LIMS1: variants seen among roughly 807,000 people sequenced by gnomAD.
LIMS1 encodes the protein LIM zinc finger domain containing 1, also known as LIM and senescent cell antigen-like-containing domain protein 1.
LIMS1 carries 18 observed loss-of-function variants against 44.1 expected under a neutral mutation model. The observed-to-expected ratio is 0.41, with a 90% confidence interval of 0.28 to 0.61. The LOEUF (loss-of-function observed/expected upper bound fraction) is 0.61. LIMS1 is among the 20% of genes least tolerant of loss of function. The probability of loss-of-function intolerance (pLI) is 0.32; values close to 1 mark genes in which losing one functional copy is unlikely to be tolerated. For synonymous variants in LIMS1, 93 were observed against 149.1 expected (o/e 0.62, Z 2.74); for missense variants, 201 against 422.0 (o/e 0.48, Z 4.59).
At chr2:108,601,339 G>C (rs1687004344) in intron 1 of LIMS1, among the ~76,000 whole-genome samples, 1 of 152,134 alleles carries the variant, frequency 6.6e-6, no homozygotes, top group Non-Finnish European at 1.5e-5. Context: ...TCAGACACTT[G>C]TCCGTGCACA....
chr2:108,639,706 C>G (rs1023241960), intron 1 of LIMS1, among the ~76,000 whole-genome samples: 2 of 152,176 alleles, frequency 1.3e-5, no homozygotes, highest in African/African-American at 4.8e-5. Context: ...CCACTTTGGC[C>G]TCCCAAAGTG....
At chr2:108,675,333 G>A (rs964807405) in intron 5 of LIMS1, among the ~76,000 whole-genome samples, 2 of 151,602 alleles carry the variant, frequency 1.3e-5, no homozygotes, top group African/African-American at 4.9e-5. Flanking sequence ...AGAGGAGGGG[G>A]GAAGGAAGAG....
exon 4 of LIMS1, chr2:108,672,434 G>C: frequency 2.2e-6 from 2 of 890,902 alleles, no homozygotes; most frequent in Non-Finnish European, 1.6e-6. Context: ...GGTTTGTCAA[G>C]AATGCTGGGA....
intron 5 of LIMS1, 48 bp from the exon 6 acceptor site, chr2:108,675,830 G>A (rs370028764): frequency 1.9e-6 from 3 of 1,611,638 alleles, no homozygotes; most frequent in East Asian, 2.2e-5. Context: ...CCATTGGTTG[G>A]CCACTTTTCT....
Position 108,680,852 on chromosome 2 carries a change from A to G in LIMS1, c.899+82A>G, listed in dbSNP as rs527354576. 2.2e-4 allele frequency: 351 copies of G among 1,568,038 alleles called. 1 individual carries two copies. Among genetic ancestry groups the G allele is most frequent in the Admixed American group, 3.4e-4 (17 of 49,392 alleles). On this transcript the variant is annotated intron_variant, in intron 9 of 9. Coordinates refer to ENST00000544547, the Ensembl canonical transcript of LIMS1. The stretch of plus-strand genomic sequence containing the variant: ...CTTAAAAAAAATCCTAGAATTTAGA[A>G]AAAGAGAATTATTTGATTTCTTATT...
Position 108,661,238 on chromosome 2 carries a change from AT to A in LIMS1, c.192+1481del, listed in dbSNP as rs1691345120. ...AATGCTATTTTATTCACTAGCACAC[AT>A]TTTTTTAAGCTCCTATTGTGTCCCC... On this transcript the variant is annotated intron_variant, in intron 2 of 9. Transcript: ENST00000544547. Among the ~76,000 whole-genome samples, 5 of 148,882 alleles carry A rather than the reference AT, an allele frequency of 3.4e-5. No homozygotes were observed. The South Asian group carries it at 1.1e-3, about 32-fold the overall frequency.
intron 1 of LIMS1, among the ~76,000 whole-genome samples, chr2:108,563,206 G>A (rs1022833265): frequency 1.3e-5 from 2 of 152,218 alleles, no homozygotes; most frequent in Non-Finnish European, 2.9e-5. Context: ...TTATTTCCAT[G>A]CCTATTAACA....
chr2:108,659,730 G>T (rs1258276908), exon 2 of LIMS1: 1 of 1,612,442 alleles, frequency 6.2e-7, no homozygotes, highest in South Asian at 1.1e-5. Flanking sequence ...TGCGCTCAGT[G>T]CTTCCAGCAG....
At chr2:108,643,792 C>T (rs1157032179) in intron 1 of LIMS1, among the ~76,000 whole-genome samples, 1 of 152,202 alleles carries the variant, frequency 6.6e-6, no homozygotes, top group Non-Finnish European at 1.5e-5. Context: ...GCTAGTATAG[C>T]AGACTGAGCT....
At chr2:108,673,606 C>G (rs1692290917) in intron 5 of LIMS1, 1 of 160,914 alleles carries the variant, frequency 6.2e-6, no homozygotes, top group Non-Finnish European at 1.4e-5. Context: ...CCAGGCTGGT[C>G]TCAAACTCCT....
chr2:108,557,747 C>T lies in LIMS1; in HGVS notation c.32+23153C>T, dbSNP rs546648070. The stretch of plus-strand genomic sequence containing the variant: ...CCCAGGCTGGTCTCAAACTCCTGAC[C>T]TCAGGTGATCCACCTGCCTCAGCCT... On this transcript the variant is annotated intron_variant, in intron 1 of 9. Transcript: ENST00000544547. Among the ~76,000 whole-genome samples the T allele has an allele frequency of 1.2e-4, 18 of 152,146 alleles. No homozygotes were observed. In the South Asian group the frequency reaches 1.5e-3, roughly 12 times the overall value.
At chr2:108,540,011 A>G (rs1347373672) in intron 1 of LIMS1, among the ~76,000 whole-genome samples, 4 of 151,824 alleles carry the variant, frequency 2.6e-5, no homozygotes, top group Non-Finnish European at 5.9e-5. Flanking sequence ...TGAACATAAG[A>G]TGATAGTATT....
At chr2:108,592,598 GGTCTTTCTT>G (rs1319266044) in intron 1 of LIMS1, among the ~76,000 whole-genome samples, 1 of 152,052 alleles carries the variant, frequency 6.6e-6, no homozygotes, top group East Asian at 1.9e-4. Context: ...AGCTGTTTAT[GGTCTTTCTT>G]GTCACTTATT....
In LIMS1 at chr2:108,576,773, C is replaced by G. The variant is rs529685371; in HGVS notation, c.32+42179C>G. Among the ~76,000 whole-genome samples, 4 of 152,234 alleles carry G rather than the reference C, an allele frequency of 2.6e-5. No homozygotes were observed. The East Asian group carries it at 7.7e-4, about 29-fold the overall frequency. On this transcript the variant is annotated intron_variant, in intron 1 of 9. Transcript: ENST00000544547. ...GCTAAGAAGCTAAGGGACAAAGTTC[C>G]CAGTCTCAGAGGTTATAATCTAGTA...
chr2:108,548,087 C>T (rs547765383), intron 1 of LIMS1, among the ~76,000 whole-genome samples: 2 of 152,248 alleles, frequency 1.3e-5, no homozygotes, highest in African/African-American at 2.4e-5. Flanking sequence ...AAGCTGTGTT[C>T]GCACTTAGCC....
chr2:108,622,449 A>T (rs1688300612), intron 1 of LIMS1, among the ~76,000 whole-genome samples: 1 of 152,226 alleles, frequency 6.6e-6, no homozygotes, highest in Non-Finnish European at 1.5e-5. Context: ...CAGTAACTGT[A>T]ATTTGCTAAA....
chr2:108,675,507 C>T (rs1232867737), intron 5 of LIMS1, among the ~76,000 whole-genome samples: 5 of 152,208 alleles, frequency 3.3e-5, no homozygotes, highest in African/African-American at 9.6e-5. Flanking sequence ...CACAGTCACA[C>T]CATAGCAGAT....
chr2:108,595,525 T>C (rs1484466004), intron 1 of LIMS1, among the ~76,000 whole-genome samples: 1 of 152,206 alleles, frequency 6.6e-6, no homozygotes, highest in Non-Finnish European at 1.5e-5. Flanking sequence ...CTTGAAATTT[T>C]CCCTTGGTCT....
At chr2:108,645,755 C>T (rs907143683) in intron 1 of LIMS1, among the ~76,000 whole-genome samples, 9 of 150,902 alleles carry the variant, frequency 6.0e-5, no homozygotes, top group Non-Finnish European at 1.2e-4. Flanking sequence ...ACCCATCCCA[C>T]GTGGAGAGAC....
Sources: gnomAD v4.1 joint callset for allele counts (sites outside exome capture counted in the v4.1 genomes callset) on GRCh38, gnomAD v4.1.1 for gene constraint, MANE v1.5 for transcripts, NCBI Gene and HGNC (gene_info 2026-07-23, HGNC 2026-07-21) for gene names.